Variants in GPC5 observed in about 807,000 individuals in gnomAD.
GPC5 encodes the protein glypican-5.
A neutral mutation model predicts 53.9 loss-of-function variants in GPC5; 47 were observed. That is an observed-to-expected ratio of 0.87 (90% CI 0.69 to 1.11). The LOEUF is 1.11. Ranked by LOEUF, GPC5 falls within the 50% of genes most tolerant of loss-of-function variation. The pLI is 0.00. For missense variants in GPC5, 748 were observed against 713.1 expected, an observed-to-expected ratio of 1.05 and a Z score of -0.56; for synonymous variants, 286 against 263.3, an observed-to-expected ratio of 1.09 and a Z score of -0.84.
chr13:92,268,177 T>A (rs1233723066), intron 7 of GPC5, among the ~76,000 whole-genome samples: 1 of 152,040 alleles, frequency 6.6e-6, no homozygotes, highest in Admixed American at 6.5e-5. Context: ...TGTTCTAATA[T>A]TGTATATAGC....
At chr13:92,553,799 G>C (rs1882401572) in intron 7 of GPC5, among the ~76,000 whole-genome samples, 1 of 151,908 alleles carries the variant, frequency 6.6e-6, no homozygotes, top group African/African-American at 2.4e-5. Flanking sequence ...GTGGGTCACA[G>C]CCTAAGTCCT....
At chr13:91,410,475 C>T (rs912556567) in intron 1 of GPC5, among the ~76,000 whole-genome samples, 2 of 150,862 alleles carry the variant, frequency 1.3e-5, no homozygotes, top group African/African-American at 4.9e-5. Context: ...CCTCCTGAGT[C>T]GCTGGGACCA....
chr13:91,403,625 G>A (rs1301947239), intron 1 of GPC5, among the ~76,000 whole-genome samples: 1 of 152,160 alleles, frequency 6.6e-6, no homozygotes, highest in Non-Finnish European at 1.5e-5. Flanking sequence ...TTCTAATTCT[G>A]TGCATGTTAT....
chr13:92,673,683 C>A (rs1389504217), intron 7 of GPC5, among the ~76,000 whole-genome samples: 1 of 152,182 alleles, frequency 6.6e-6, no homozygotes, highest in African/African-American at 2.4e-5. Context: ...GCTTGAAAAT[C>A]TATCATTCCA....
rs556325810 is a variant in GPC5, at chr13:92,779,680, C to T, written c.1562-86602C>T. On this transcript the variant is annotated intron_variant, in intron 7 of 7. Coordinates refer to ENST00000377067, the MANE Select transcript of GPC5 (RefSeq NM_004466.6). ...GCCTCAACCTATATTTTTTAACTCA[C>T]CAAGTATATGGATGACAGCTACTCC... Among the ~76,000 whole-genome samples the T allele has an allele frequency of 5.3e-5, 8 of 152,068 alleles. No homozygotes were observed. The East Asian group carries it at 1.4e-3, about 26-fold the overall frequency.
chr13:92,153,618 G>C (rs1233928340), intron 7 of GPC5, among the ~76,000 whole-genome samples: 1 of 152,172 alleles, frequency 6.6e-6, no homozygotes, highest in Non-Finnish European at 1.5e-5. Context: ...GAGGATGCAG[G>C]ATATCTTAGA....
chr13:91,515,774 A>G (rs1386343030), intron 2 of GPC5, among the ~76,000 whole-genome samples: 1 of 30,514 alleles, frequency 3.3e-5, no homozygotes. Flanking sequence ...AGCACTGACC[A>G]TCTGTTTTAG....
intron 2 of GPC5, among the ~76,000 whole-genome samples, chr13:91,637,356 C>T (rs565774859): frequency 8.5e-5 from 13 of 152,228 alleles, no homozygotes; most frequent in African/African-American, 1.4e-4. Context: ...TAAATTCATG[C>T]GAGAGCCTAG....
chr13:91,498,190 C>T (rs1433495814), intron 2 of GPC5, among the ~76,000 whole-genome samples: 1 of 146,180 alleles, frequency 6.8e-6, no homozygotes, highest in African/African-American at 2.5e-5. Flanking sequence ...GCTTTTCATT[C>T]TTGGGATTTT....
intron 2 of GPC5, among the ~76,000 whole-genome samples, chr13:91,597,980 C>T (rs1216459134): frequency 1.3e-5 from 2 of 151,862 alleles, no homozygotes; most frequent in Admixed American, 6.6e-5. Flanking sequence ...ACTGTTTCAC[C>T]CAGAACACTT....
At chr13:92,764,549 G>T (rs1459188765) in intron 7 of GPC5, among the ~76,000 whole-genome samples, 1 of 152,204 alleles carries the variant, frequency 6.6e-6, no homozygotes, top group Non-Finnish European at 1.5e-5. Flanking sequence ...GGTTATGGGG[G>T]CTGCTGGCTT....
Position 91,660,521 on chromosome 13 carries a change from A to C in GPC5, c.326-32666A>C, listed in dbSNP as rs186184794. Among the ~76,000 whole-genome samples the C allele has an allele frequency of 8.1e-3, 1,238 of 152,308 alleles. 19 individuals carry two copies. The highest frequency in any genetic ancestry group is 0.029 in the African/African-American group (1,207 of 41,560). ...TAACCTTGTAGAAGATCCTCAGCTG[A>C]GACTCTTCCTGTAAGTTACTGTCTG... On this transcript the variant is annotated intron_variant, in intron 2 of 7. Coordinates refer to ENST00000377067, the MANE Select transcript of GPC5 (RefSeq NM_004466.6).
chr13:92,407,216 T>G (rs542744342), intron 7 of GPC5, among the ~76,000 whole-genome samples: 2 of 152,092 alleles, frequency 1.3e-5, no homozygotes, highest in Non-Finnish European at 2.9e-5. Context: ...AGAGTAAAAA[T>G]TTATTAACAA....
chr13:92,012,391 C>T (rs2040669447), intron 6 of GPC5, among the ~76,000 whole-genome samples: 1 of 152,006 alleles, frequency 6.6e-6, no homozygotes, highest in Non-Finnish European at 1.5e-5. Context: ...CCTCTTGTTA[C>T]TTTTAACTTA....
intron 6 of GPC5, among the ~76,000 whole-genome samples, chr13:92,119,995 C>T (rs1156431860): frequency 6.6e-6 from 1 of 152,096 alleles, no homozygotes; most frequent in East Asian, 1.9e-4. Context: ...GTTATATTCA[C>T]AGGTTGTAGA....
At chr13:91,569,330 G>A (rs2031678603) in intron 2 of GPC5, among the ~76,000 whole-genome samples, 1 of 152,070 alleles carries the variant, frequency 6.6e-6, no homozygotes, top group Non-Finnish European at 1.5e-5. Flanking sequence ...TTCTAGGTCA[G>A]TGTTTCTAAA....
intron 7 of GPC5, among the ~76,000 whole-genome samples, chr13:92,384,576 T>C (rs1040550561): frequency 2.0e-5 from 3 of 152,170 alleles, no homozygotes; most frequent in Admixed American, 2.0e-4. Context: ...GTACCTTTTC[T>C]CTTCCTTTAA....
chr13:91,507,999 C>A (rs1054239378), intron 2 of GPC5, among the ~76,000 whole-genome samples: 6 of 152,060 alleles, frequency 3.9e-5, no homozygotes, highest in Non-Finnish European at 8.8e-5. Context: ...AGAAAGCAAA[C>A]TCCTTAGAAA....
intron 6 of GPC5, among the ~76,000 whole-genome samples, chr13:92,081,003 A>T (rs2041290656): frequency 6.6e-6 from 1 of 152,184 alleles, no homozygotes; most frequent in East Asian, 1.9e-4. Flanking sequence ...ACTTATTTTA[A>T]CATACTTTTG....
Sources: allele counts gnomAD v4.1 joint callset (sites outside exome capture counted in the v4.1 genomes callset), GRCh38; gene constraint gnomAD v4.1.1; transcripts MANE v1.5; gene names NCBI Gene and HGNC (gene_info 2026-07-23, HGNC 2026-07-21).